The following SEL1L2 variants were observed in gnomAD, a reference collection of about 807,000 sequenced individuals.
The protein encoded by SEL1L2 is SEL1L2 adaptor subunit of SYVN1 ubiquitin ligase.
SEL1L2 carries 89 observed loss-of-function variants against 98.8 expected under a neutral mutation model. The ratio of observed to expected loss-of-function variants is 0.90; its 90% CI spans 0.76 to 1.07. The LOEUF is 1.07. Among genes scored for constraint, SEL1L2 ranks in the 50% least tolerant of loss-of-function variants. The pLI, the probability that SEL1L2 is intolerant of heterozygous loss-of-function variation, is 0.00. For missense variants in SEL1L2, 788 were observed against 812.0 expected (o/e 0.97, Z 0.36); for synonymous variants, 262 against 278.5 (o/e 0.94, Z 0.59).
At chr20:13,959,361 G>A (rs2050682801) in intron 1 of SEL1L2, among the ~76,000 whole-genome samples, 2 of 152,080 alleles carry the variant, frequency 1.3e-5, no homozygotes, top group Non-Finnish European at 2.9e-5. Flanking sequence ...ACTGTTTGGT[G>A]GTCTGCTGCC....
At chr20:13,912,558 A>G (rs1047275092) in intron 5 of SEL1L2, among the ~76,000 whole-genome samples, 5 of 152,032 alleles carry the variant, frequency 3.3e-5, no homozygotes, top group Non-Finnish European at 7.4e-5. Flanking sequence ...TGGCCTCCCA[A>G]AGTGCTAGGA....
chr20:13,872,385 T>C (rs1447306205), intron 12 of SEL1L2, among the ~76,000 whole-genome samples: 1 of 152,210 alleles, frequency 6.6e-6, no homozygotes, highest in Non-Finnish European at 1.5e-5. Context: ...TCTCATGCGA[T>C]CTGATGGCTT....
chr20:13,951,276 C>CAAAAAAA (rs764034768), intron 2 of SEL1L2, among the ~76,000 whole-genome samples: 4 of 25,504 alleles, frequency 1.6e-4, no homozygotes, highest in Admixed American at 1.1e-3. Flanking sequence ...GACTCCGTCT[C>CAAAAAAA]AAAAAAAAAA....
intron 2 of SEL1L2, among the ~76,000 whole-genome samples, chr20:13,944,270 T>G (rs1162222773): frequency 6.6e-6 from 1 of 152,162 alleles, no homozygotes; most frequent in East Asian, 1.9e-4. Flanking sequence ...TGGGACTTGA[T>G]GAAGAGTTTA....
intron 3 of SEL1L2, among the ~76,000 whole-genome samples, chr20:13,924,954 C>T (rs1011202173): frequency 1.3e-5 from 2 of 152,004 alleles, no homozygotes; most frequent in African/African-American, 4.8e-5. Context: ...GCCTGGCCAA[C>T]ATGGTGAGAT....
chr20:13,879,885 A>G (rs919433014), intron 10 of SEL1L2, among the ~76,000 whole-genome samples: 7 of 152,208 alleles, frequency 4.6e-5, no homozygotes, highest in African/African-American at 1.7e-4. Flanking sequence ...TCCCCAGGTA[A>G]CTGTGTAAAT....
chr20:13,922,599 G>A (rs2148254399), intron 3 of SEL1L2, among the ~76,000 whole-genome samples: 1 of 152,274 alleles, frequency 6.6e-6, no homozygotes, highest in Admixed American at 6.5e-5. Flanking sequence ...GTGTAGGCTA[G>A]ATTTTCCGCA....
At chr20:13,946,620 G>A (rs930406748) in intron 2 of SEL1L2, among the ~76,000 whole-genome samples, 1 of 152,250 alleles carries the variant, frequency 6.6e-6, no homozygotes, top group Non-Finnish European at 1.5e-5. Flanking sequence ...GGGAACAGGA[G>A]GGAGCCATGA....
At chr20:13,949,625 T>G (rs2050173656) in intron 2 of SEL1L2, among the ~76,000 whole-genome samples, 1 of 151,544 alleles carries the variant, frequency 6.6e-6, no homozygotes, top group South Asian at 2.1e-4. Flanking sequence ...CTCGTGCCAC[T>G]GCACTCCAGC....
intron 5 of SEL1L2, among the ~76,000 whole-genome samples, chr20:13,899,408 G>A (rs1225231167): frequency 6.6e-6 from 1 of 152,086 alleles, no homozygotes; most frequent in Non-Finnish European, 1.5e-5. Flanking sequence ...TTTTCAGCAT[G>A]TATTATAATT....
At chr20:13,947,186 C>T (rs1184444978) in intron 2 of SEL1L2, among the ~76,000 whole-genome samples, 1 of 151,992 alleles carries the variant, frequency 6.6e-6, no homozygotes, top group African/African-American at 2.4e-5. Flanking sequence ...TTTTTTTAGG[C>T]CGACCCATGG....
intron 5 of SEL1L2, among the ~76,000 whole-genome samples, chr20:13,891,907 T>A (rs1230175258): frequency 6.6e-6 from 1 of 152,096 alleles, no homozygotes; most frequent in Non-Finnish European, 1.5e-5. Context: ...TAAAGCTCTA[T>A]GAAAAGGTAT....
intron 10 of SEL1L2, among the ~76,000 whole-genome samples, chr20:13,879,628 C>A (rs1037888964): frequency 2.0e-5 from 3 of 152,068 alleles, no homozygotes; most frequent in Non-Finnish European, 4.4e-5. Flanking sequence ...GCTGGGATTA[C>A]AGGTGTGAGC....
chr20:13,935,627 T>G (rs2049411956), intron 2 of SEL1L2, among the ~76,000 whole-genome samples: 1 of 150,608 alleles, frequency 6.6e-6, no homozygotes. Context: ...GCAGAGTGAG[T>G]GGGGTGGGGA....
At chr20:13,915,598 C>CATTTT (rs1323978961) in intron 4 of SEL1L2, among the ~76,000 whole-genome samples, 2 of 152,164 alleles carry the variant, frequency 1.3e-5, no homozygotes, top group African/African-American at 4.8e-5. Context: ...GTAGCTCCAG[C>CATTTT]ATTTTATACA....
intron 12 of SEL1L2, 52 bp from the exon 13 acceptor site, chr20:13,870,255 G>A: frequency 7.3e-7 from 1 of 1,377,336 alleles, no homozygotes. Context: ...TCATGATAAG[G>A]AAAATTACTG....
At chr20:13,850,743 G>C (rs756642930) in intron 18 of SEL1L2, among the ~76,000 whole-genome samples, 8 of 152,106 alleles carry the variant, frequency 5.3e-5, no homozygotes, top group Non-Finnish European at 1.2e-4. Flanking sequence ...TTTTAGCCTC[G>C]TGAAACCCCA....
rs2048533053 is a variant in SEL1L2, at chr20:13,919,024, T to G, written c.383A>C (p.Glu128Ala). ...LQQSKSQKQK[E>A]EAYLLFAKAA... ...AGGTCACTGGATAAAGACTTACTCT[T>G]CTTTTTGTTTTTGGCTTTTAGACTG... The change falls in exon 4 of 20, where the codon GAA becomes GCA. Residue 128 changes from glutamate (E) to alanine (A), a missense_variant. By Grantham distance (107) the Glu-to-Ala change is moderately radical (BLOSUM62 -1). Coordinates refer to ENST00000284951, the MANE Select transcript of SEL1L2 (RefSeq NM_025229.2). The G allele has an allele frequency of 6.2e-7, 1 of 1,607,024 alleles. No individual in the cohort carries two copies. The highest frequency in any genetic ancestry group is 1.7e-5 in the Admixed American group (1 of 59,550).
upstream of SEL1L2, chr20:13,990,765 T>A: frequency 2.0e-6 from 1 of 512,292 alleles, no homozygotes; most frequent in Non-Finnish European, 3.4e-6. Context: ...TGGCTGAAGA[T>A]AAGGGGTAGG....
Sources: allele counts gnomAD v4.1 joint callset (sites outside exome capture counted in the v4.1 genomes callset), GRCh38; gene constraint gnomAD v4.1.1; transcripts MANE v1.5; gene names NCBI Gene and HGNC (gene_info 2026-07-23, HGNC 2026-07-21).